Variants in TIMP2 observed in about 807,000 individuals in gnomAD.
The protein encoded by TIMP2 is metalloproteinase inhibitor 2.
TIMP2 carries 5 observed loss-of-function variants against 24.3 expected under a neutral mutation model. That is an observed-to-expected ratio of 0.21 (90% CI 0.11 to 0.43). The LOEUF is 0.43. TIMP2 is among the 20% of genes least tolerant of loss of function. The pLI, the probability that TIMP2 is intolerant of heterozygous loss-of-function variation, is 1.00. For synonymous variants in TIMP2, 130 were observed against 123.2 expected (o/e 1.06, Z -0.37); for missense variants, 221 against 297.5 (o/e 0.74, Z 1.89).
At chr17:78,915,556 G>A (rs2070249833) in intron 1 of TIMP2, among the ~76,000 whole-genome samples, 1 of 150,760 alleles carries the variant, frequency 6.6e-6, no homozygotes, top group Non-Finnish European at 1.5e-5. Context: ...GTCTCACTCT[G>A]TCACCCAGGC....
Position 78,891,439 on chromosome 17 carries a change from C to T in TIMP2, c.131-17520G>A. The T allele has an allele frequency of 1.9e-6, 3 of 1,550,934 alleles. No homozygotes were observed. Among genetic ancestry groups the T allele is most frequent in the Non-Finnish European group, 2.6e-6 (3 of 1,147,076 alleles). ...CCAGGTACAAGCACAGGTGTTTTTTCAGCTTTCTGTTTATATTAAACAACT... is the reference window on the plus strand; with the variant it reads ...CCAGGTACAAGCACAGGTGTTTTTTTAGCTTTCTGTTTATATTAAACAACT... On this transcript the variant is annotated intron_variant, in intron 1 of 4. Transcript: ENST00000262768. The surrounding 1 kb of genome is among the most constrained non-coding windows in gnomAD (Gnocchi z 4.5).
chr17:78,890,552 C>T (rs937545097), intron 1 of TIMP2: 42 of 1,411,684 alleles, frequency 3.0e-5, no homozygotes, highest in Admixed American at 1.1e-4. Context: ...GAGGCAATGA[C>T]GCAAACACAG....
At chr17:78,858,455 A>T (rs1191202705) in intron 3 of TIMP2, among the ~76,000 whole-genome samples, 1 of 152,106 alleles carries the variant, frequency 6.6e-6, no homozygotes, top group Non-Finnish European at 1.5e-5. Context: ...TCTAAAAAAA[A>T]AAAAGAAAAG....
chr17:78,892,759 C>T (rs1038868065), intron 1 of TIMP2, among the ~76,000 whole-genome samples: 5 of 152,194 alleles, frequency 3.3e-5, no homozygotes, highest in South Asian at 2.1e-4. Context: ...GGAGGTGCTC[C>T]GGGCCTGCAG....
chr17:78,890,004 A>G (rs2069864558), intron 1 of TIMP2, among the ~76,000 whole-genome samples: 2 of 152,114 alleles, frequency 1.3e-5, no homozygotes, highest in African/African-American at 4.8e-5. Context: ...CTATAATCCC[A>G]GCTACTCGGG....
intron 3 of TIMP2, among the ~76,000 whole-genome samples, chr17:78,870,607 G>A (rs893968013): frequency 7.9e-5 from 12 of 152,096 alleles, no homozygotes; most frequent in South Asian, 6.2e-4. Flanking sequence ...GGGTTTCTCT[G>A]CCCTGCATGT....
At chr17:78,914,794 C>G (rs1033863497) in intron 1 of TIMP2, among the ~76,000 whole-genome samples, 3 of 151,870 alleles carry the variant, frequency 2.0e-5, no homozygotes, top group Non-Finnish European at 4.4e-5. Context: ...GCTATGTTGC[C>G]TAGGCTGATC....
At chr17:78,858,212 G>A (rs887663501) in intron 3 of TIMP2, among the ~76,000 whole-genome samples, 6 of 152,200 alleles carry the variant, frequency 3.9e-5, no homozygotes, top group Non-Finnish European at 8.8e-5. Flanking sequence ...GGAGGCCGCG[G>A]CAGGTGGATC....
At chr17:78,864,300 GCCTCTCTC>G (rs1308667861) in intron 3 of TIMP2, among the ~76,000 whole-genome samples, 1 of 145,258 alleles carries the variant, frequency 6.9e-6, no homozygotes, top group South Asian at 2.2e-4. Context: ...TTTCTTCCCT[GCCTCTCTC>G]CCTCTCTCCC....
At chr17:78,901,467 A>G (rs543079983) in intron 1 of TIMP2, among the ~76,000 whole-genome samples, 1 of 152,238 alleles carries the variant, frequency 6.6e-6, no homozygotes, top group African/African-American at 2.4e-5. Flanking sequence ...GACGGGGAGA[A>G]GAGGCCGCAG....
At chr17:78,917,276 A>G (rs547824912) in intron 1 of TIMP2, among the ~76,000 whole-genome samples, 1,578 of 132,080 alleles carry the variant, frequency 0.012, 28 homozygotes, top group African/African-American at 0.04. Context: ...AAAAAAATAC[A>G]AAAATTAGCT....
chr17:78,875,743 G>C (rs995781963), intron 1 of TIMP2, among the ~76,000 whole-genome samples: 1 of 152,128 alleles, frequency 6.6e-6, no homozygotes, highest in African/African-American at 2.4e-5. Flanking sequence ...ACCCCACGTG[G>C]TCGGCTCAAA....
At chr17:78,912,492 C>G (rs1371650629) in intron 1 of TIMP2, among the ~76,000 whole-genome samples, 1 of 152,224 alleles carries the variant, frequency 6.6e-6, no homozygotes, top group East Asian at 1.9e-4. Context: ...AACATCCCAC[C>G]ACAGAAAGCC....
intron 1 of TIMP2, among the ~76,000 whole-genome samples, chr17:78,919,759 C>T (rs369962435): frequency 2.6e-5 from 4 of 152,204 alleles, no homozygotes; most frequent in South Asian, 2.1e-4. Flanking sequence ...GGCGTGAACC[C>T]GGGAGGCGGA....
At chr17:78,863,043 G>A (rs913188995) in intron 3 of TIMP2, among the ~76,000 whole-genome samples, 4 of 152,154 alleles carry the variant, frequency 2.6e-5, no homozygotes, top group African/African-American at 2.4e-5. Context: ...GCCGTTGAAC[G>A]ATTTATTTTC....
intron 1 of TIMP2, chr17:78,890,712 G>GT (rs1411515513): frequency 1.9e-6 from 3 of 1,550,516 alleles, no homozygotes; most frequent in Admixed American, 2.0e-5. Flanking sequence ...CTGTTTTGCT[G>GT]TAAGATCTGC....
intron 1 of TIMP2, among the ~76,000 whole-genome samples, chr17:78,887,935 G>C (rs971790780): frequency 6.6e-6 from 1 of 152,118 alleles, no homozygotes; most frequent in East Asian, 1.9e-4. Context: ...ACGCGATGAG[G>C]ATATGCTGCA....
At chr17:78,861,379 TAG>T (rs936213872) in intron 3 of TIMP2, among the ~76,000 whole-genome samples, 29 of 152,192 alleles carry the variant, frequency 1.9e-4, no homozygotes, top group African/African-American at 6.5e-4. Context: ...AGAGTACGTA[TAG>T]AGAGTAAGGG....
chr17:78,877,969 G>A (rs944572510), intron 1 of TIMP2, among the ~76,000 whole-genome samples: 2 of 152,092 alleles, frequency 1.3e-5, no homozygotes, highest in Non-Finnish European at 2.9e-5. Context: ...GCCTCCCAAC[G>A]TGCTGGGATT....
Sources: allele counts gnomAD v4.1 joint callset (sites outside exome capture counted in the v4.1 genomes callset), GRCh38; gene constraint gnomAD v4.1.1; non-coding constraint Gnocchi (gnomAD v3.1); transcripts MANE v1.5; gene names NCBI Gene and HGNC (gene_info 2026-07-23, HGNC 2026-07-21).